The following PRKN variants were observed in gnomAD, a reference collection of about 807,000 sequenced individuals.
PRKN encodes parkin RBR E3 ubiquitin protein ligase, also known as E3 ubiquitin-protein ligase parkin.
Under a neutral mutation model 59.5 loss-of-function variants are expected in PRKN, and 56 were observed. The observed-to-expected ratio is 0.94, with a 90% confidence interval of 0.76 to 1.18. The LOEUF is 1.18. PRKN is among the 50% of genes most tolerant of loss of function. The probability of loss-of-function intolerance (pLI) is 0.00; values close to 1 mark genes in which losing one functional copy is unlikely to be tolerated. For missense variants in PRKN, 657 were observed against 596.4 expected, an observed-to-expected ratio of 1.10 and a Z score of -1.06; for synonymous variants, 250 against 222.1, an observed-to-expected ratio of 1.13 and a Z score of -1.12.
chr6:162,043,900 C>T (rs1435797412), intron 5 of PRKN, among the ~76,000 whole-genome samples: 1 of 152,124 alleles, frequency 6.6e-6, no homozygotes, highest in African/African-American at 2.4e-5. Flanking sequence ...CTGAGGAACA[C>T]CCTGGAGAAA....
intron 4 of PRKN, among the ~76,000 whole-genome samples, chr6:162,162,004 A>C (rs2187201): frequency 0.98 from 148,489 of 152,274 alleles, 72,470 homozygotes; most frequent in Non-Finnish European, 1. Flanking sequence ...ACCAAAAGAA[A>C]CAAAATGATA....
At chr6:162,471,691 A>C (rs1007913697) in intron 1 of PRKN, among the ~76,000 whole-genome samples, 13 of 152,236 alleles carry the variant, frequency 8.5e-5, no homozygotes. Context: ...TAAATTATAC[A>C]GAAGTGCAAA....
At chr6:162,492,690 G>A (rs1033873804) in intron 1 of PRKN, among the ~76,000 whole-genome samples, 15 of 151,526 alleles carry the variant, frequency 9.9e-5, no homozygotes, top group East Asian at 1.9e-4. Flanking sequence ...GGTGGCTCAC[G>A]CCTGTAATCC....
At chr6:161,630,017 G>T (rs1053187321) in intron 7 of PRKN, among the ~76,000 whole-genome samples, 1 of 152,186 alleles carries the variant, frequency 6.6e-6, no homozygotes, top group African/African-American at 2.4e-5. Context: ...CCTGAGTTGA[G>T]CTGTGTCAAT....
rs1197381958 is a variant in PRKN, at chr6:162,727,700, G to A, written c.-32C>T. 9 of 1,564,814 alleles carry A rather than the reference G, an allele frequency of 5.8e-6. No individual in the cohort carries two copies. Among genetic ancestry groups the A allele is most frequent in the South Asian group, 4.7e-5 (4 of 85,240 alleles). On this transcript the variant is annotated 5_prime_UTR_variant, in exon 1 of 12. Transcript: ENST00000366898. ...TGGGTAGGTGGCGGCTGCGGGCCAG[G>A]AACAGGCCCATGCGCGCAGCGGCGC...
chr6:161,493,237 TC>T (rs1777624095), intron 9 of PRKN, among the ~76,000 whole-genome samples: 1 of 152,168 alleles, frequency 6.6e-6, no homozygotes, highest in Non-Finnish European at 1.5e-5. Context: ...AAGTAGACAA[TC>T]TTTATTGAAT....
At chr6:162,494,749 A>G (rs531776916) in intron 1 of PRKN, among the ~76,000 whole-genome samples, 3 of 152,294 alleles carry the variant, frequency 2.0e-5, no homozygotes, top group African/African-American at 7.2e-5. Context: ...TTATTAACTA[A>G]AAATCCCAGT....
chr6:161,756,268 C>T (rs6906858), intron 7 of PRKN, among the ~76,000 whole-genome samples: 126,896 of 151,614 alleles, frequency 0.84, 53,650 homozygotes, highest in East Asian at 0.98. Context: ...ACGGTGAAAC[C>T]CTGTCTCTGC....
intron 6 of PRKN, among the ~76,000 whole-genome samples, chr6:161,934,043 G>C (rs1016638421): frequency 6.6e-6 from 1 of 152,216 alleles, no homozygotes; most frequent in African/African-American, 2.4e-5. Context: ...TGTAATCCCT[G>C]TAATCCCCAT....
At chr6:161,653,483 C>T (rs1399436689) in intron 7 of PRKN, among the ~76,000 whole-genome samples, 3 of 152,156 alleles carry the variant, frequency 2.0e-5, no homozygotes, top group Non-Finnish European at 4.4e-5. Flanking sequence ...CCGCCATCAT[C>T]AGTATTAGCC....
chr6:162,598,020 T>A (rs1412212446), intron 1 of PRKN, among the ~76,000 whole-genome samples: 1 of 152,218 alleles, frequency 6.6e-6, no homozygotes, highest in East Asian at 1.9e-4. Context: ...CGAGCCTTTA[T>A]CTGAGTTAAA....
chr6:161,646,914 C>T (rs9355916), intron 7 of PRKN, among the ~76,000 whole-genome samples: 1 of 151,962 alleles, frequency 6.6e-6, no homozygotes, highest in Non-Finnish European at 1.5e-5. Context: ...AAATTTGGCC[C>T]CTGTAGGAAA....
chr6:162,243,513 T>C (rs1779075106), intron 3 of PRKN, among the ~76,000 whole-genome samples: 2 of 152,192 alleles, frequency 1.3e-5, no homozygotes, highest in South Asian at 4.1e-4. Context: ...TGAAATTTTA[T>C]CTGTCAGTGT....
chr6:161,515,065 A>G (rs1562498000), intron 9 of PRKN, among the ~76,000 whole-genome samples: 1 of 152,212 alleles, frequency 6.6e-6, no homozygotes, highest in East Asian at 1.9e-4. Flanking sequence ...TTTAAAAAGC[A>G]TGAGGCCAAC....
intron 1 of PRKN, among the ~76,000 whole-genome samples, chr6:162,450,461 G>GAACAA (rs1562774391): frequency 6.8e-6 from 1 of 147,274 alleles, no homozygotes; most frequent in African/African-American, 2.7e-5. Flanking sequence ...ATGGAAAGGG[G>GAACAA]AACAAAAACA....
At chr6:162,127,576 C>T (rs112220737) in intron 4 of PRKN, among the ~76,000 whole-genome samples, 8,320 of 152,096 alleles carry the variant, frequency 0.055, 322 homozygotes, top group Middle Eastern at 0.11. Flanking sequence ...GAAAGAGTTG[C>T]GGTGAAAAAA....
chr6:161,827,978 GAATTTGA>G (rs1274052783), intron 6 of PRKN, among the ~76,000 whole-genome samples: 1 of 152,158 alleles, frequency 6.6e-6, no homozygotes, highest in Non-Finnish European at 1.5e-5. Context: ...TTCTGCTCAT[GAATTTGA>G]AATTATACTG....
chr6:161,616,945 A>G (rs1782721623), intron 7 of PRKN, among the ~76,000 whole-genome samples: 1 of 152,196 alleles, frequency 6.6e-6, no homozygotes, highest in African/African-American at 2.4e-5. Context: ...TTGCTGGGTC[A>G]AATGGTATTT....
At chr6:161,692,382 C>G (rs1785832873) in intron 7 of PRKN, among the ~76,000 whole-genome samples, 1 of 152,174 alleles carries the variant, frequency 6.6e-6, no homozygotes, top group South Asian at 2.1e-4. Flanking sequence ...GACCACTGAG[C>G]ACGTCATTGC....
Sources: gnomAD v4.1 joint callset for allele counts (sites outside exome capture counted in the v4.1 genomes callset) on GRCh38, gnomAD v4.1.1 for gene constraint, MANE v1.5 for transcripts, NCBI Gene and HGNC (gene_info 2026-07-23, HGNC 2026-07-21) for gene names.